The following CLNK variants were observed in gnomAD, a reference collection of about 807,000 sequenced individuals.
The protein encoded by CLNK is cytokine-dependent hematopoietic cell linker.
A neutral mutation model predicts 68.6 loss-of-function variants in CLNK; 74 were observed. That is an observed-to-expected ratio of 1.08 (90% CI 0.89 to 1.31). CLNK has a LOEUF of 1.31. Ranked by LOEUF, CLNK falls within the 50% of genes most tolerant of loss-of-function variation. The pLI is 0.00. For synonymous variants in CLNK, 198 were observed against 172.2 expected (o/e 1.15, Z -1.17); for missense variants, 553 against 515.3 (o/e 1.07, Z -0.71).
the CLNK span, among the ~76,000 whole-genome samples, chr4:10,699,512 A>ATATTTTTTTT: frequency 5.2e-4 from 17 of 32,688 alleles, no homozygotes; most frequent in Admixed American, 9.6e-4. Context: ...ATATATATAT[A>ATATTTTTTTT]TTTTTTTTTT....
At chr4:10,688,365 T>G (rs1274372693), upstream of CLNK, among the ~76,000 whole-genome samples, 1 of 152,084 alleles carries the variant, frequency 6.6e-6, no homozygotes, top group African/African-American at 2.4e-5. Context: ...GGGTAGATCA[T>G]GTGGAAGAAT....
At chr4:10,556,898 A>G (rs1181830791) in intron 8 of CLNK, among the ~76,000 whole-genome samples, 3 of 151,952 alleles carry the variant, frequency 2.0e-5, no homozygotes, top group African/African-American at 7.3e-5. Flanking sequence ...CAACATGGTG[A>G]AACCCCGTCT....
intron 2 of CLNK, among the ~76,000 whole-genome samples, chr4:10,619,199 G>T (rs548935386): frequency 6.6e-6 from 1 of 152,308 alleles, no homozygotes; most frequent in Admixed American, 6.5e-5. Context: ...TGGACCAAGT[G>T]CTGTAATTCA....
chr4:10,672,857 C>T (rs527954686), intron 1 of CLNK, among the ~76,000 whole-genome samples: 1 of 152,246 alleles, frequency 6.6e-6, no homozygotes, highest in Non-Finnish European at 1.5e-5. Flanking sequence ...GTGAACACAC[C>T]GATTTTTCTC....
At chr4:10,686,199 G>A (rs1725264973), upstream of CLNK, among the ~76,000 whole-genome samples, 1 of 152,046 alleles carries the variant, frequency 6.6e-6, no homozygotes. Flanking sequence ...CATTCTCCCT[G>A]TGTCTTTGTC....
At chr4:10,594,627 C>T (rs61795151) in intron 3 of CLNK, among the ~76,000 whole-genome samples, 6,234 of 152,286 alleles carry the variant, frequency 0.041, 185 homozygotes, top group Middle Eastern at 0.099. Flanking sequence ...TGTGGCTGTG[C>T]TTTCCAGAAG....
intron 2 of CLNK, among the ~76,000 whole-genome samples, chr4:10,598,465 C>T (rs534098857): frequency 5.9e-5 from 9 of 152,134 alleles, no homozygotes; most frequent in African/African-American, 7.2e-5. Context: ...GGACAGCAAC[C>T]GTGAGCCAGG....
At chr4:10,582,251 A>C (rs1219186535) in intron 4 of CLNK, among the ~76,000 whole-genome samples, 1 of 152,186 alleles carries the variant, frequency 6.6e-6, no homozygotes, top group Non-Finnish European at 1.5e-5. Flanking sequence ...CAGCATCTGG[A>C]AACAGCCAGC....
chr4:10,526,340 T>C (rs1718319094), intron 13 of CLNK, among the ~76,000 whole-genome samples: 1 of 152,026 alleles, frequency 6.6e-6, no homozygotes. Context: ...GGGAATACAG[T>C]GGAGAAAAAG....
chr4:10,536,496 T>C (rs768605051), intron 11 of CLNK, among the ~76,000 whole-genome samples: 12 of 152,222 alleles, frequency 7.9e-5, no homozygotes, highest in Admixed American at 3.9e-4. Flanking sequence ...GTGTCTCCTA[T>C]GGGGCTGTGC....
In CLNK at chr4:10,501,263, CCT is replaced by C. The variant is rs1364543450; in HGVS notation, c.1131_1132del (p.Gly378ArgfsTer2). 1 of 1,583,978 alleles carries C rather than the reference CCT, an allele frequency of 6.3e-7. No homozygotes were observed. Among genetic ancestry groups the C allele is most frequent in the African/African-American group, 1.4e-5 (1 of 72,654 alleles). On this transcript the variant is annotated frameshift_variant, in exon 18 of 19. Coordinates refer to ENST00000226951, the MANE Select transcript of CLNK (RefSeq NM_052964.4). LOFTEE classifies it high-confidence loss of function. ...CTGTTAAGTTATACCCACCTCATCT[CCT>C]CTGAGTCCTGTCCCCAGGGCAAACT...
At chr4:10,547,500 CTT>C (rs1465923195) in intron 8 of CLNK, among the ~76,000 whole-genome samples, 1 of 152,126 alleles carries the variant, frequency 6.6e-6, no homozygotes, top group African/African-American at 2.4e-5. Context: ...GGTAAGAACA[CTT>C]AGCATAATAT....
At chr4:10,678,647 C>G (rs887792016) in intron 1 of CLNK, among the ~76,000 whole-genome samples, 42 of 152,148 alleles carry the variant, frequency 2.8e-4, no homozygotes, top group African/African-American at 9.9e-4. Flanking sequence ...AGCCCAAAAT[C>G]TCCTTAAGCT....
chr4:10,730,804 G>T, the CLNK span, among the ~76,000 whole-genome samples: 1 of 151,762 alleles, frequency 6.6e-6, no homozygotes, highest in East Asian at 1.9e-4. Context: ...GTGTATGAGG[G>T]TTTTTTTTAA....
At chr4:10,527,088 T>C (rs1718350413) in intron 13 of CLNK, among the ~76,000 whole-genome samples, 1 of 152,184 alleles carries the variant, frequency 6.6e-6, no homozygotes, top group African/African-American at 2.4e-5. Context: ...TCCCATAAAA[T>C]CATTTCATGT....
intron 2 of CLNK, among the ~76,000 whole-genome samples, chr4:10,599,653 C>T (rs1721515918): frequency 6.6e-6 from 1 of 152,138 alleles, no homozygotes; most frequent in East Asian, 1.9e-4. Flanking sequence ...AGCTCCATTG[C>T]TCACATGGTT....
At chr4:10,563,394 A>G (rs1426434020) in intron 7 of CLNK, among the ~76,000 whole-genome samples, 1 of 152,238 alleles carries the variant, frequency 6.6e-6, no homozygotes, top group Non-Finnish European at 1.5e-5. Context: ...GAAATTTTAC[A>G]ATACATACTG....
chr4:10,606,424 A>G (rs1560238807), intron 2 of CLNK, among the ~76,000 whole-genome samples: 2 of 151,978 alleles, frequency 1.3e-5, no homozygotes, highest in Admixed American at 1.3e-4. Flanking sequence ...GTTGTTTTAC[A>G]GTTAACTTTT....
At chr4:10,585,051 C>T in intron 3 of CLNK, 96 bp from the exon 4 acceptor site, 1 of 1,312,576 alleles carries the variant, frequency 7.6e-7, no homozygotes, top group Non-Finnish European at 1.1e-6. Context: ...CGTCATTGTA[C>T]AAGTCAGCCT....
Sources: allele counts gnomAD v4.1 joint callset (sites outside exome capture counted in the v4.1 genomes callset), GRCh38; gene constraint gnomAD v4.1.1; transcripts MANE v1.5; gene names NCBI Gene and HGNC (gene_info 2026-07-23, HGNC 2026-07-21).